The following PFKP variants were observed in gnomAD, a reference collection of about 807,000 sequenced individuals.
PFKP encodes ATP-dependent 6-phosphofructokinase, platelet type.
PFKP carries 101 observed loss-of-function variants against 94.3 expected under a neutral mutation model. The observed-to-expected ratio is 1.07, with a 90% CI of 0.91 to 1.26. The LOEUF is 1.26. PFKP is among the 50% of genes most tolerant of loss of function. The pLI, the probability that PFKP is intolerant of heterozygous loss-of-function variation, is 0.00. For synonymous variants in PFKP, 573 were observed against 432.6 expected (o/e 1.32, Z -4.03); for missense variants, 1,145 against 1,103.3 (o/e 1.04, Z -0.53).
At position 3,120,044 on chromosome 10, in the gene PFKP, C is replaced by T. The variant is rs773663346; in HGVS notation, c.1683C>T (p.Asp561=). The T allele has an allele frequency of 1.3e-5, 21 of 1,613,760 alleles. No individual in the cohort carries two copies. The highest frequency in any genetic ancestry group is 8.9e-5 in the East Asian group (4 of 44,898). Residue 561 remains aspartate, a splice_region_variant and synonymous_variant, in exon 16 of 22, where the codon GAC becomes GAT. Transcript: ENST00000381125. ...ACACCGCCCTGAACACTATCACCGA[C>T]GTAAGTCCGTGTGCGCCCTGCCAGG... The part of the protein sequence containing the change: ...GADTALNTIT[D]TCDRIKQSAS...
chr10:3,097,395 C>T (rs1011230023), intron 2 of PFKP, among the ~76,000 whole-genome samples: 3 of 152,116 alleles, frequency 2.0e-5, no homozygotes, highest in African/African-American at 4.8e-5. Flanking sequence ...CTCCGGGGGA[C>T]GGCTACACTG....
At chr10:3,116,980 T>TACC in intron 14 of PFKP, 134 bp downstream of exon 14, 1 of 734,838 alleles carries the variant, frequency 1.4e-6, no homozygotes, top group Non-Finnish European at 2.5e-6. Context: ...TGCAGGCAGT[T>TACC]ACCGGTCCTC....
rs944404171 is a variant in PFKP, at chr10:3,136,442, C to T, written c.2226-8C>T. ...AGGCCTCACTGCTGTCTCCTCTTACCTCCACAGGCACAGGATTCCCAAAGA... is the reference window on the plus strand; with the variant it reads ...AGGCCTCACTGCTGTCTCCTCTTACTTCCACAGGCACAGGATTCCCAAAGA... On this transcript the variant is annotated splice_region_variant and splice_polypyrimidine_tract_variant and intron_variant, in intron 21 of 21. Coordinates refer to ENST00000381125, the MANE Select transcript of PFKP (RefSeq NM_002627.5). The T allele has an allele frequency of 3.9e-5, 63 of 1,613,268 alleles. No individual in the cohort carries two copies. The highest frequency in any genetic ancestry group is 1.6e-4 in the East Asian group (7 of 44,876).
At chr10:3,077,265 T>TTTC (rs1554757506) in intron 1 of PFKP, among the ~76,000 whole-genome samples, 5 of 116,480 alleles carry the variant, frequency 4.3e-5, no homozygotes, top group South Asian at 3.2e-4. Flanking sequence ...TTTTTTCTTT[T>TTTC]TTTTTTTTTT....
intron 15 of PFKP, 96 bp downstream of exon 15, chr10:3,118,965 C>A: frequency 5.8e-6 from 5 of 860,228 alleles, no homozygotes; most frequent in South Asian, 1.7e-5. Context: ...GGCCACGATC[C>A]GAGATGATAG....
chr10:3,116,927 C>A (rs1018334252), intron 14 of PFKP, 81 bp downstream of exon 14: 5 of 1,109,276 alleles, frequency 4.5e-6, no homozygotes, highest in South Asian at 1.2e-5. Context: ...CGCTGGGTGC[C>A]GACGCCAGTT....
intron 5 of PFKP, among the ~76,000 whole-genome samples, chr10:3,104,440 T>C (rs575879354): frequency 6.6e-6 from 1 of 152,272 alleles, no homozygotes; most frequent in South Asian, 2.1e-4. Context: ...ATGAAAACCA[T>C]GTGGAATGGT....
At position 3,111,554 on chromosome 10, in the gene PFKP, G is replaced by A. The variant is rs901584682; in HGVS notation, c.1090-668G>A. Among the ~76,000 whole-genome samples, 4 of 152,108 alleles carry A rather than the reference G, an allele frequency of 2.6e-5. 1 individual carries two copies. Among genetic ancestry groups the A allele is most frequent in the African/African-American group, 4.8e-5 (2 of 41,404 alleles). On this transcript the variant is annotated intron_variant, in intron 10 of 21. Transcript: ENST00000381125. The stretch of plus-strand genomic sequence containing the variant: ...TTTAAAGCTGAGGGACCACTACTGT[G>A]CACCTGCTGTTTGTCAGGCGTCTTC...
chr10:3,100,986 C>T (rs528750097), intron 3 of PFKP: 33 of 1,612,148 alleles, frequency 2.0e-5, no homozygotes, highest in South Asian at 5.5e-5. Context: ...TTGTCCTGGC[C>T]GGCATGCTCT....
intron 17 of PFKP, among the ~76,000 whole-genome samples, chr10:3,131,541 C>T (rs779528400): frequency 6.6e-6 from 1 of 152,204 alleles, no homozygotes; most frequent in Non-Finnish European, 1.5e-5. Flanking sequence ...ACTGCAACTT[C>T]CGCCTCCTGG....
At chr10:3,105,601 T>G in intron 7 of PFKP, 100 bp downstream of exon 7, 1 of 809,476 alleles carries the variant, frequency 1.2e-6, no homozygotes, top group Non-Finnish European at 2.1e-6. Context: ...TGAAAAAATT[T>G]CTCTGTCTCC....
At chr10:3,126,297 A>G (rs9423692) in intron 16 of PFKP, among the ~76,000 whole-genome samples, 37,215 of 152,088 alleles carry the variant, frequency 0.24, 4,621 homozygotes, top group East Asian at 0.3. Context: ...TCTCTCTCCT[A>G]GGCTTCTCCC....
rs1834529335 is a variant in PFKP, at chr10:3,096,922, C to CA, written c.187-2347dup. 3.3e-5 allele frequency among the ~76,000 whole-genome samples: 4 copies of CA among 122,594 alleles called. 2 individuals carry two copies. The South Asian group carries it at 1.1e-3, about 34-fold the overall frequency. 80.4% of individuals were successfully genotyped at this position (122,594 alleles called of 152,430 possible). ...TGAAACCCCGTCTCTACTAAAAATA[C>CA]AAAAAATTAGCCGGGCGTGGTGGCG... is the stretch of plus-strand genomic sequence containing the variant. On this transcript the variant is annotated intron_variant, in intron 2 of 21. Coordinates refer to ENST00000381125, the MANE Select transcript of PFKP (RefSeq NM_002627.5).
At chr10:3,127,011 C>T (rs1261563877) in intron 16 of PFKP, among the ~76,000 whole-genome samples, 2 of 152,268 alleles carry the variant, frequency 1.3e-5, no homozygotes, top group African/African-American at 4.8e-5. Flanking sequence ...ACTCGGAGGC[C>T]AGGGAGGCAC....
intron 2 of PFKP, among the ~76,000 whole-genome samples, chr10:3,086,233 G>A (rs531431160): frequency 2.0e-5 from 3 of 152,312 alleles, no homozygotes; most frequent in South Asian, 2.1e-4. Context: ...CGGCCCTGAC[G>A]CTGTTGTGTG....
At chr10:3,123,678 A>G (rs11251732) in intron 16 of PFKP, among the ~76,000 whole-genome samples, 58,586 of 152,192 alleles carry the variant, frequency 0.38, 11,989 homozygotes, top group Non-Finnish European at 0.47. Flanking sequence ...AGTGAGCGAC[A>G]TCACCTGTCT....
chr10:3,129,974 G>T lies in PFKP; in HGVS notation c.1839G>T (p.Arg613Ser). 1 of 1,579,292 alleles carries T rather than the reference G, an allele frequency of 6.3e-7. No individual in the cohort carries two copies. The highest frequency in any genetic ancestry group is 8.6e-7 in the Non-Finnish European group (1 of 1,160,352). The change falls in exon 17 of 22, where the codon AGG becomes AGT. Residue 613 changes from arginine (R) to serine (S), a missense_variant. By Grantham distance (110) the Arg-to-Ser change is moderately radical (BLOSUM62 -1). Coordinates refer to ENST00000381125, the MANE Select transcript of PFKP (RefSeq NM_002627.5). Reference protein sequence around the residue: ...AYIFEEPFDIRDLQSNVEHLT... With the variant: ...AYIFEEPFDISDLQSNVEHLT... ...TTTTCGAAGAGCCCTTCGACATCAG[G>T]GATCTGCAGGTATGTGACGGGGCTG...
At position 3,103,672 on chromosome 10, in the gene PFKP, A is replaced by T; in HGVS notation, c.455-107A>T. The T allele has an allele frequency of 2.8e-6, 3 of 1,055,244 alleles. No individual in the cohort carries two copies. In the South Asian group the frequency reaches 4.3e-5, roughly 15 times the overall value. The allele number at this position is 1,055,244 out of a possible 1,614,324, so 65.4% of individuals were successfully genotyped here. On this transcript the variant is annotated intron_variant, in intron 4 of 21. Coordinates refer to ENST00000381125, the MANE Select transcript of PFKP (RefSeq NM_002627.5). ...ATGATACCAATAACAAAGAGTTTAG[A>T]ATGGTTGATTTCTCTACCCATGGCC...
At chr10:3,077,256 T>TTTTTTC (rs56016436) in intron 1 of PFKP, among the ~76,000 whole-genome samples, 54 of 102,274 alleles carry the variant, frequency 5.3e-4, no homozygotes, top group Non-Finnish European at 9.8e-4. Context: ...TTACTTTTTT[T>TTTTTTC]TTTTCTTTTT....
Sources: gnomAD v4.1 joint callset for allele counts (sites outside exome capture counted in the v4.1 genomes callset) on GRCh38, gnomAD v4.1.1 for gene constraint, MANE v1.5 for transcripts, NCBI Gene and HGNC (gene_info 2026-07-23, HGNC 2026-07-21) for gene names.